The following BLM variants were observed in gnomAD, a reference collection of about 807,000 sequenced individuals.
BLM encodes the protein recQ-like DNA helicase BLM.
A neutral mutation model predicts 135.3 loss-of-function variants in BLM; 95 were observed. The observed-to-expected ratio is 0.70, with a 90% CI of 0.59 to 0.83. The LOEUF (loss-of-function observed/expected upper bound fraction) is 0.83, where lower values mean the gene tolerates loss of function less well. Ranked by LOEUF, BLM falls within the 40% of genes least tolerant of loss-of-function variation. BLM has a pLI of 0.00. For synonymous variants in BLM, 520 were observed against 589.2 expected (o/e 0.88, Z 1.70); for missense variants, 1,518 against 1,663.9 (o/e 0.91, Z 1.53).
chr15:90,806,666 C>T (rs1897292914), intron 19 of BLM, among the ~76,000 whole-genome samples: 1 of 152,164 alleles, frequency 6.6e-6, no homozygotes, highest in Non-Finnish European at 1.5e-5. Context: ...GATAGCCCAA[C>T]CCAGAATTTC....
At chr15:90,726,902 G>A (rs1025346960) in intron 1 of BLM, among the ~76,000 whole-genome samples, 1 of 152,164 alleles carries the variant, frequency 6.6e-6, no homozygotes, top group African/African-American at 2.4e-5. Flanking sequence ...TGGGGGTGCA[G>A]ATGTCTCTTT....
At chr15:90,778,732 T>C (rs972335145) in intron 12 of BLM, among the ~76,000 whole-genome samples, 2 of 152,222 alleles carry the variant, frequency 1.3e-5, no homozygotes, top group African/African-American at 4.8e-5. Context: ...TCAGTTGATA[T>C]TGGGTTGTTT....
At chr15:90,762,151 G>C in intron 7 of BLM, among the ~76,000 whole-genome samples, 1 of 152,168 alleles carries the variant, frequency 6.6e-6, no homozygotes, top group East Asian at 1.9e-4. Flanking sequence ...AGACAGTTGA[G>C]TGTTGGGGTT....
intron 14 of BLM, chr15:90,790,273 A>C: frequency 3.2e-6 from 1 of 314,022 alleles, no homozygotes; most frequent in Non-Finnish European, 6.1e-6. Flanking sequence ...GCTTGTGATC[A>C]CTGACCTGGA....
Position 90,803,954 on chromosome 15 carries a change from T to G in BLM, c.3559-213T>G, listed in dbSNP as rs28385140. Among the ~76,000 whole-genome samples, 1,557 of 152,308 alleles carry G rather than the reference T, an allele frequency of 0.01. 21 individuals are homozygous for G. The highest frequency in any genetic ancestry group is 0.035 in the African/African-American group (1,456 of 41,546). On this transcript the variant is annotated intron_variant, in intron 18 of 21. Transcript: ENST00000355112. ...TATCAGGTCACTAAATCTTTATATA[T>G]TCATTAAAGAAGCATTTATCAAGAG... is the stretch of plus-strand genomic sequence containing the variant.
chr15:90,780,744 C>T lies in BLM; in HGVS notation c.2556-2078C>T, dbSNP rs115782370. 2.5e-3 allele frequency among the ~76,000 whole-genome samples: 383 copies of T among 152,370 alleles called. 2 individuals are homozygous for T. Among genetic ancestry groups the T allele is most frequent in the African/African-American group, 8.8e-3 (366 of 41,594 alleles). Reference sequence around the variant, plus strand: ...TGAAGTGATGTGTAGGCATACTCTGCTGTATCCTCCCGCCAGGACAGAAGA... The same window carrying T: ...TGAAGTGATGTGTAGGCATACTCTGTTGTATCCTCCCGCCAGGACAGAAGA... On this transcript the variant is annotated intron_variant, in intron 12 of 21. Coordinates refer to ENST00000355112, the MANE Select transcript of BLM (RefSeq NM_000057.4).
chr15:90,725,537 A>G (rs1894887437), intron 1 of BLM, among the ~76,000 whole-genome samples: 1 of 146,208 alleles, frequency 6.8e-6, no homozygotes, highest in Non-Finnish European at 1.5e-5. Flanking sequence ...TCTGTTGCCC[A>G]GGCTGGAGTG....
rs986892782 is a variant in BLM at position 90,790,777 on chromosome 15, G to A, written c.2952G>A (p.Gly984=). ...AATCTGGCAGAGCTGGAAGAGATGG[G>A]GAAATATCTCACTGCCTGCTTTTCT... The part of the protein sequence containing the change: ...YQESGRAGRD[G]EISHCLLFYT... Residue 984 remains glycine, a synonymous_variant, in exon 15 of 22, where the codon GGG becomes GGA. Transcript: ENST00000355112. 1 of 1,614,106 alleles carries A rather than the reference G, an allele frequency of 6.2e-7. No individual in the cohort carries two copies. The highest frequency in any genetic ancestry group is 8.5e-7 in the Non-Finnish European group (1 of 1,179,992).
At position 90,815,312 on chromosome 15, in the gene BLM, C is replaced by T. The variant is rs1358494516; in HGVS notation, c.*33C>T. ...ATCTCAATGTACATAGACCCTCTTT[C>T]TTGTTTGTCAGCATCTGACCATCTG... is the stretch of plus-strand genomic sequence containing the variant. On this transcript the variant is annotated 3_prime_UTR_variant, in exon 22 of 22. Transcript: ENST00000355112. This position sits in a 1 kb window ranked among gnomAD's most constrained non-coding sequence, Gnocchi z 4.6. 32 of 1,605,150 alleles carry T rather than the reference C, an allele frequency of 2.0e-5. No homozygotes were observed. The highest frequency in any genetic ancestry group is 2.5e-5 in the Non-Finnish European group (29 of 1,172,164).
intron 19 of BLM, among the ~76,000 whole-genome samples, chr15:90,805,460 C>T (rs997127317): frequency 3.3e-5 from 5 of 151,674 alleles, no homozygotes; most frequent in South Asian, 2.1e-4. Context: ...GGCAAATAAT[C>T]GGCACAAATA....
Position 90,736,417 on chromosome 15 carries a change from G to A in BLM, c.-4-10972G>A, listed in dbSNP as rs540378606. On this transcript the variant is annotated intron_variant, in intron 1 of 21. Coordinates refer to ENST00000355112, the MANE Select transcript of BLM (RefSeq NM_000057.4). ...TGGGACCACAAGTGCATGCCACCAC[G>A]CCTTACTAATTTAAAAATTTTTTTT... 4.6e-5 allele frequency among the ~76,000 whole-genome samples: 7 copies of A among 151,990 alleles called. No individual in the cohort carries two copies. In the South Asian group the frequency reaches 1.0e-3, roughly 23 times the overall value.
chr15:90,773,755 C>A (rs1896393779), intron 12 of BLM, among the ~76,000 whole-genome samples: 1 of 152,134 alleles, frequency 6.6e-6, no homozygotes, highest in African/African-American at 2.4e-5. Context: ...TGACTGACTT[C>A]TTTCACTGAG....
Position 90,745,334 on chromosome 15 carries a change from T to C in BLM, c.-4-2055T>C, listed in dbSNP as rs190726624. ...GATACTGAAAAAAAATTCATCACTA[T>C]TTGAAGGTGGTGAAAGAATGAATAT... On this transcript the variant is annotated intron_variant, in intron 1 of 21. Transcript: ENST00000355112. Among the ~76,000 whole-genome samples, 518 of 152,214 alleles carry C rather than the reference T, an allele frequency of 3.4e-3. 2 individuals are homozygous for C. Among genetic ancestry groups the C allele is most frequent in the African/African-American group, 0.012 (492 of 41,574 alleles).
intron 12 of BLM, among the ~76,000 whole-genome samples, chr15:90,770,783 G>T (rs1402294661): frequency 6.6e-6 from 1 of 152,240 alleles, no homozygotes; most frequent in Non-Finnish European, 1.5e-5. Flanking sequence ...TAAGCAGTAA[G>T]AATAGCAACA....
intron 21 of BLM, among the ~76,000 whole-genome samples, chr15:90,811,839 G>A (rs1897429736): frequency 1.3e-5 from 2 of 151,956 alleles, no homozygotes; most frequent in African/African-American, 2.4e-5. Context: ...TGTATTTTTT[G>A]TACAGATGGA....
Position 90,740,998 on chromosome 15 carries a change from G to A in BLM, c.-4-6391G>A, listed in dbSNP as rs76484856. ...CTAGAACACGTGGTGACTATGTTTC[G>A]TTTTTTGAGGTACTGCTTGACTGTT... On this transcript the variant is annotated intron_variant, in intron 1 of 21. Transcript: ENST00000355112. 6.1e-3 allele frequency among the ~76,000 whole-genome samples: 923 copies of A among 152,206 alleles called. 13 individuals carry two copies. The highest frequency in any genetic ancestry group is 0.02 in the African/African-American group (828 of 41,534).
chr15:90,802,509 G>A (rs773623639), intron 17 of BLM, among the ~76,000 whole-genome samples: 1 of 152,196 alleles, frequency 6.6e-6, no homozygotes, highest in Non-Finnish European at 1.5e-5. Flanking sequence ...ATCTTATAGG[G>A]TGTTGTGCTT....
rs367763242 is a variant in BLM at position 90,759,956 on chromosome 15, C to CT, written c.1088-175dup. The CT allele has an allele frequency of 0.066, 20,105 of 304,968 alleles. 322 individuals carry two copies. The highest frequency in any genetic ancestry group is 0.075 in the African/African-American group (2,992 of 39,788). The allele number at this position is 304,968 out of a possible 1,614,324, so 18.9% of individuals were successfully genotyped here. A position where few individuals can be genotyped will look rare whatever the true frequency, so the allele number is the denominator to read the frequency against. The stretch of plus-strand genomic sequence containing the variant: ...AGAAAAAGAAATCAAGATCTTAAGA[C>CT]TTTTTTTTTTTTTTTTAGTGACAGG... On this transcript the variant is annotated intron_variant, in intron 5 of 21. Coordinates refer to ENST00000355112, the MANE Select transcript of BLM (RefSeq NM_000057.4).
chr15:90,732,412 ATAT>A, intron 1 of BLM, among the ~76,000 whole-genome samples: 1 of 152,108 alleles, frequency 6.6e-6, no homozygotes, highest in African/African-American at 2.4e-5. Flanking sequence ...TAAAGTAGAA[ATAT>A]TATAATTCTG....
Sources: gnomAD v4.1 joint callset for allele counts (sites outside exome capture counted in the v4.1 genomes callset) on GRCh38, gnomAD v4.1.1 for gene constraint, Gnocchi (gnomAD v3.1) non-coding constraint, MANE v1.5 for transcripts, NCBI Gene and HGNC (gene_info 2026-07-23, HGNC 2026-07-21) for gene names.